RAPGEF6: variants seen among roughly 807,000 people sequenced by gnomAD.
RAPGEF6 encodes Rap guanine nucleotide exchange factor 6.
Under a neutral mutation model 171.4 loss-of-function variants are expected in RAPGEF6, and 56 were observed. That is an observed-to-expected ratio of 0.33 (90% CI 0.26 to 0.41). The LOEUF is 0.41. Ranked by LOEUF, RAPGEF6 falls within the 10% of genes least tolerant of loss-of-function variation. RAPGEF6 has a pLI of 1.00. For missense variants in RAPGEF6, 1,674 were observed against 1,921.4 expected, an observed-to-expected ratio of 0.87 and a Z score of 2.41; for synonymous variants, 692 against 650.1, an observed-to-expected ratio of 1.06 and a Z score of -0.98.
chr5:131,551,491 G>A (rs990157760), intron 5 of RAPGEF6, among the ~76,000 whole-genome samples: 4 of 140,398 alleles, frequency 2.8e-5, no homozygotes, highest in Admixed American at 2.2e-4. Context: ...TAGTCTGGGC[G>A]ACAGAGTGAG....
chr5:131,600,278 T>C (rs1764149641), intron 3 of RAPGEF6, among the ~76,000 whole-genome samples: 1 of 152,132 alleles, frequency 6.6e-6, no homozygotes, highest in Admixed American at 6.5e-5. Context: ...TCCCAGCACT[T>C]TGGGAGGCCG....
intron 13 of RAPGEF6, among the ~76,000 whole-genome samples, chr5:131,494,924 A>G (rs13354690): frequency 0.072 from 11,017 of 152,176 alleles, 971 homozygotes; most frequent in African/African-American, 0.21. Flanking sequence ...ATTCAAGAAA[A>G]AGAGACTGAG....
At chr5:131,490,328 C>A (rs1756197063) in intron 14 of RAPGEF6, among the ~76,000 whole-genome samples, 1 of 150,910 alleles carries the variant, frequency 6.6e-6, no homozygotes, top group African/African-American at 2.4e-5. Context: ...ATAAAAATTT[C>A]TAAAGGATAA....
chr5:131,463,652 G>A, intron 18 of RAPGEF6: 2 of 767,128 alleles, frequency 2.6e-6, no homozygotes, highest in Non-Finnish European at 3.2e-6. Context: ...ATAATTTTCA[G>A]AACACATTTT....
intron 16 of RAPGEF6, 180 bp from the exon 17 acceptor site, chr5:131,472,924 A>T: frequency 1.8e-6 from 1 of 557,878 alleles, no homozygotes. Flanking sequence ...TAAAATTTTT[A>T]ACAATTACAT....
At chr5:131,609,114 T>G (rs1764789819) in intron 1 of RAPGEF6, among the ~76,000 whole-genome samples, 1 of 152,092 alleles carries the variant, frequency 6.6e-6, no homozygotes, top group Non-Finnish European at 1.5e-5. Context: ...ACACACTTGC[T>G]CCCCTTTCAC....
intron 4 of RAPGEF6, among the ~76,000 whole-genome samples, chr5:131,575,994 C>G (rs761227527): frequency 6.6e-6 from 1 of 152,182 alleles, no homozygotes; most frequent in Admixed American, 6.5e-5. Flanking sequence ...TCTCCTCACA[C>G]TTGAAGCATA....
rs1338230076 is a variant in RAPGEF6, at chr5:131,521,306, A to G, written c.627+84T>C. 2.2e-6 allele frequency: 3 copies of G among 1,340,356 alleles called. No homozygotes were observed. In the African/African-American group the frequency reaches 4.5e-5, roughly 20 times the overall value. The allele number at this position is 1,340,356 out of a possible 1,614,324, so 83.0% of individuals were successfully genotyped here. On this transcript the variant is annotated intron_variant, in intron 7 of 27. Coordinates refer to ENST00000509018, the MANE Select transcript of RAPGEF6 (RefSeq NM_016340.6). ...GCTTGAATTTCATACTCTAAAAGAT[A>G]TGTTAACCATCTAAGGCACAATCAC... is the stretch of plus-strand genomic sequence containing the variant.
At chr5:131,495,271 G>A (rs974107022) in intron 13 of RAPGEF6, among the ~76,000 whole-genome samples, 3 of 151,162 alleles carry the variant, frequency 2.0e-5, no homozygotes, top group African/African-American at 4.9e-5. Context: ...CTCCAGCCTG[G>A]GCGACAGCGA....
rs1229712602 is a variant in RAPGEF6, at chr5:131,548,092, C to T, written c.450G>A (p.Glu150=). Residue 150 remains glutamate (E), a synonymous_variant, in exon 6 of 28, where the codon GAG becomes GAA. Coordinates refer to ENST00000509018, the MANE Select transcript of RAPGEF6 (RefSeq NM_016340.6). The part of the protein sequence containing the change: ...RRFRKINYKG[E]RQTITDDVEV... ...CCACATCATCAGTAATGGTTTGGCG[C>T]TCTCCTTTATAGTTAATTTTCCGAA... 6.2e-7 allele frequency: 1 copy of T among 1,613,952 alleles called. No individual in the cohort carries two copies. Among genetic ancestry groups the T allele is most frequent in the Non-Finnish European group, 8.5e-7 (1 of 1,179,956 alleles).
intron 4 of RAPGEF6, among the ~76,000 whole-genome samples, chr5:131,571,507 A>T (rs1762282469): frequency 6.6e-6 from 1 of 152,240 alleles, no homozygotes; most frequent in Admixed American, 6.5e-5. Context: ...TGCAAGATGT[A>T]AGATCAGCAT....
At chr5:131,456,379 G>A (rs563015262) in intron 19 of RAPGEF6, among the ~76,000 whole-genome samples, 7 of 152,122 alleles carry the variant, frequency 4.6e-5, no homozygotes, top group Admixed American at 3.3e-4. Context: ...ATTTTAAAGC[G>A]GTTTAAGTAA....
chr5:131,577,529 A>G (rs955207241), intron 4 of RAPGEF6, among the ~76,000 whole-genome samples: 44 of 152,160 alleles, frequency 2.9e-4, no homozygotes, highest in Non-Finnish European at 5.1e-4. Context: ...CTAGACAGGA[A>G]ATTCGCCAGG....
chr5:131,626,280 G>C (rs1211187538), intron 1 of RAPGEF6, among the ~76,000 whole-genome samples: 1 of 151,898 alleles, frequency 6.6e-6, no homozygotes, highest in East Asian at 1.9e-4. Flanking sequence ...AAATACTAAA[G>C]AATAAGACAC....
At chr5:131,458,781 G>A (rs2149831529) in intron 19 of RAPGEF6, among the ~76,000 whole-genome samples, 1 of 152,270 alleles carries the variant, frequency 6.6e-6, no homozygotes. Context: ...AGCCTCCTGA[G>A]TAGCTGGGAT....
chr5:131,580,571 T>C (rs559589827), intron 4 of RAPGEF6, among the ~76,000 whole-genome samples: 2 of 152,206 alleles, frequency 1.3e-5, no homozygotes, highest in Non-Finnish European at 1.5e-5. Flanking sequence ...CGCCAGCACG[T>C]TGTCACCTCT....
chr5:131,431,098 T>C lies in RAPGEF6; in HGVS notation c.4226A>G (p.Glu1409Gly). 6.2e-7 allele frequency: 1 copy of C among 1,614,198 alleles called. No homozygotes were observed. The highest frequency in any genetic ancestry group is 8.5e-7 in the Non-Finnish European group (1 of 1,180,038). ...PIAEVEPTDS[E>G]PYSCSKSCSR... ...GCAGCTTTTAGAACAGGAATAGGGC[T>C]CAGAGTCAGTGGGTTCAACTTCAGC... is the stretch of plus-strand genomic sequence containing the variant. The change falls in exon 26 of 28, where the codon GAG becomes GGG. Residue 1409 changes from glutamate (E) to glycine (G), a missense_variant. Transcript: ENST00000509018.
At chr5:131,456,715 T>C (rs115459441) in intron 19 of RAPGEF6, among the ~76,000 whole-genome samples, 2,833 of 152,314 alleles carry the variant, frequency 0.019, 89 homozygotes, top group African/African-American at 0.064. Context: ...TATCAGCAAA[T>C]CCTGTTTCTC....
Position 131,433,571 on chromosome 5 carries a change from T to C in RAPGEF6, c.3833A>G (p.Asn1278Ser), listed in dbSNP as rs146263815. 48 of 1,613,520 alleles carry C rather than the reference T, an allele frequency of 3.0e-5. No homozygotes were observed. Among genetic ancestry groups the C allele is most frequent in the Admixed American group, 1.0e-4 (6 of 59,976 alleles). The change falls in exon 25 of 28, where the codon AAT (asparagine) becomes AGT (serine). Residue 1278 changes from asparagine (N) to serine (S), a missense_variant. By Grantham distance (46) the Asn-to-Ser change is conservative. Transcript: ENST00000509018. Reference protein sequence around the residue: ...EISSRSSIVSNCSVDSMSAAL... With the variant: ...EISSRSSIVSSCSVDSMSAAL... ...TGCAGACATGGAGTCAACAGAACAA[T>C]TGCTCACGATGCTGGACCGTGAAGA...
Sources: gnomAD v4.1 joint callset for allele counts (sites outside exome capture counted in the v4.1 genomes callset) on GRCh38, gnomAD v4.1.1 for gene constraint, MANE v1.5 for transcripts, NCBI Gene and HGNC (gene_info 2026-07-23, HGNC 2026-07-21) for gene names.